The following RNF152 variants were observed in gnomAD, a reference collection of about 807,000 sequenced individuals.
RNF152 encodes E3 ubiquitin-protein ligase RNF152.
Under a neutral mutation model 12.7 loss-of-function variants are expected in RNF152, and 11 were observed. The ratio of observed to expected loss-of-function variants is 0.86; its 90% CI spans 0.54 to 1.43. The LOEUF (loss-of-function observed/expected upper bound fraction) is 1.43. RNF152 is among the 40% of genes most tolerant of loss of function. The probability of loss-of-function intolerance (pLI) is 0.00; values close to 1 mark genes in which losing one functional copy is unlikely to be tolerated. For missense variants in RNF152, 255 were observed against 274.8 expected (o/e 0.93, Z 0.51); for synonymous variants, 113 against 120.3 (o/e 0.94, Z 0.40).
At chr18:61,820,440 C>T (rs1259619908) in intron 1 of RNF152, among the ~76,000 whole-genome samples, 5 of 145,888 alleles carry the variant, frequency 3.4e-5, no homozygotes, top group Non-Finnish European at 7.5e-5. Flanking sequence ...ATACAGGGTT[C>T]GTTGGTGAAT....
chr18:61,875,138 T>C (rs889059380), intron 1 of RNF152: 2 of 152,002 alleles, frequency 1.3e-5, no homozygotes, highest in African/African-American at 4.8e-5. Context: ...AATAGAAGGA[T>C]AGAGGAAGAA....
chr18:61,840,178 A>C (rs1163718119), intron 1 of RNF152, among the ~76,000 whole-genome samples: 1 of 152,220 alleles, frequency 6.6e-6, no homozygotes, highest in Non-Finnish European at 1.5e-5. Context: ...GTGTGTGACC[A>C]GGAAATGGGC....
rs2144596199 is a variant in RNF152 at position 61,810,457 on chromosome 18, C to T, written c.*5395G>A. On this transcript the variant is annotated 3_prime_UTR_variant, in exon 2 of 2. Transcript: ENST00000312828. Reference sequence around the variant, plus strand: ...AGTCAGAAGTTGGAGACCAGCCTGACCAACATGGAGAAACCCCGTCTCTAC... The same window carrying T: ...AGTCAGAAGTTGGAGACCAGCCTGATCAACATGGAGAAACCCCGTCTCTAC... The T allele has an allele frequency of 6.6e-6, 1 of 152,306 alleles. No homozygotes were observed. Among genetic ancestry groups the T allele is most frequent in the East Asian group, 1.9e-4 (1 of 5,170 alleles). 9.4% of individuals were successfully genotyped at this position (152,306 alleles called of 1,614,324 possible). A position where few individuals can be genotyped will look rare whatever the true frequency, so the allele number is the denominator to read the frequency against.
chr18:61,885,978 T>A (rs1912674845), intron 1 of RNF152, among the ~76,000 whole-genome samples: 1 of 121,028 alleles, frequency 8.3e-6, no homozygotes. Flanking sequence ...TTGCTTTCTT[T>A]TGCTTTCTTT....
At position 61,809,840 on chromosome 18, in the gene RNF152, C is replaced by A; in HGVS notation, c.*6012G>T. 1 of 143,930 alleles carries A rather than the reference C, an allele frequency of 6.9e-6. No individual in the cohort carries two copies. The highest frequency in any genetic ancestry group is 2.6e-5 in the African/African-American group (1 of 38,222). The allele number at this position is 143,930 out of a possible 1,614,324, so 8.9% of individuals were successfully genotyped here. On this transcript the variant is annotated 3_prime_UTR_variant, in exon 2 of 2. Transcript: ENST00000312828. ...GGTGAGATATATATAGTGGGATACC[C>A]CAGGCAGTGAATCCTGAAAAAAAAA...
intron 1 of RNF152, among the ~76,000 whole-genome samples, chr18:61,824,899 C>A (rs1434553304): frequency 6.6e-6 from 1 of 152,146 alleles, no homozygotes; most frequent in South Asian, 2.1e-4. Flanking sequence ...GTCAGGAGAT[C>A]CCCAGGCTCC....
Position 61,862,028 on chromosome 18 carries a change from A to C in RNF152, c.-136+30767T>G, listed in dbSNP as rs531980436. ...TTGGTTAAATTGGAAAAATGAATAC[A>C]ACTCCCTGAGGCCCTCAGAAGAACC... On this transcript the variant is annotated intron_variant, in intron 1 of 1. Coordinates refer to ENST00000312828, the MANE Select transcript of RNF152 (RefSeq NM_173557.3). Among the ~76,000 whole-genome samples the C allele has an allele frequency of 5.9e-5, 9 of 152,240 alleles. No individual in the cohort carries two copies. In the East Asian group the frequency reaches 1.7e-3, roughly 29 times the overall value.
chr18:61,889,267 T>C (rs923279390), intron 1 of RNF152, among the ~76,000 whole-genome samples: 2 of 152,194 alleles, frequency 1.3e-5, no homozygotes, highest in Non-Finnish European at 2.9e-5. Flanking sequence ...ACTTCCTTAT[T>C]TGGAGAGCTA....
upstream of RNF152, chr18:61,893,685 G>A (rs1913070494): frequency 6.6e-6 from 1 of 152,564 alleles, no homozygotes; most frequent in African/African-American, 2.4e-5. Flanking sequence ...CGCGAGACAA[G>A]GGGACCGGGA....
Position 61,866,422 on chromosome 18 carries a change from A to C in RNF152, c.-136+26373T>G, listed in dbSNP as rs149060828. ...ACACTACCCCAAGCTACAGAGTGAGAATCTGCGAGGACAAGATTCACATCC... is the reference window on the plus strand; with the variant it reads ...ACACTACCCCAAGCTACAGAGTGAGCATCTGCGAGGACAAGATTCACATCC... On this transcript the variant is annotated intron_variant, in intron 1 of 1. Coordinates refer to ENST00000312828, the MANE Select transcript of RNF152 (RefSeq NM_173557.3). Among the ~76,000 whole-genome samples the C allele has an allele frequency of 6.8e-3, 1,013 of 148,066 alleles. 5 individuals carry two copies. The highest frequency in any genetic ancestry group is 0.059 in the Middle Eastern group (17 of 290).
At chr18:61,863,577 T>C (rs1485338809) in intron 1 of RNF152, among the ~76,000 whole-genome samples, 1 of 152,208 alleles carries the variant, frequency 6.6e-6, no homozygotes, top group Non-Finnish European at 1.5e-5. Flanking sequence ...AAGCACATTT[T>C]CCAGGCTGGA....
intron 1 of RNF152, among the ~76,000 whole-genome samples, chr18:61,853,355 T>C (rs1455008910): frequency 6.8e-6 from 1 of 146,792 alleles, no homozygotes; most frequent in Non-Finnish European, 1.5e-5. Flanking sequence ...TGGCACACGA[T>C]CACAGCTCAC....
In RNF152 at chr18:61,855,957, C is replaced by T. The variant is rs143864574; in HGVS notation, c.-136+36838G>A. 3.7e-3 allele frequency among the ~76,000 whole-genome samples: 568 copies of T among 152,310 alleles called. 3 individuals are homozygous for T. Among genetic ancestry groups the T allele is most frequent in the African/African-American group, 0.012 (492 of 41,558 alleles). On this transcript the variant is annotated intron_variant, in intron 1 of 1. Coordinates refer to ENST00000312828, the MANE Select transcript of RNF152 (RefSeq NM_173557.3). ...TATTCACTACTCCACATACTTTAAT[C>T]TGACCACGCCATGTTTCCCTACAAC...
intron 1 of RNF152, among the ~76,000 whole-genome samples, chr18:61,829,813 G>A (rs574600661): frequency 6.6e-6 from 1 of 152,218 alleles, no homozygotes; most frequent in South Asian, 2.1e-4. Flanking sequence ...GAATGGAAGA[G>A]AAAGACCAGT....
intron 1 of RNF152, among the ~76,000 whole-genome samples, chr18:61,843,179 G>A (rs28395312): frequency 4.2e-4 from 64 of 152,328 alleles, no homozygotes; most frequent in African/African-American, 1.5e-3. Flanking sequence ...AACTGTTGCT[G>A]AATGACTGAG....
At chr18:61,868,682 AC>A (rs1288208970) in intron 1 of RNF152, among the ~76,000 whole-genome samples, 2 of 152,154 alleles carry the variant, frequency 1.3e-5, no homozygotes, top group Admixed American at 1.3e-4. Context: ...TGCCTGGGCA[AC>A]AAAAGCAAGA....
chr18:61,814,010 A>G lies in RNF152; in HGVS notation c.*1842T>C, dbSNP rs1258246724. On this transcript the variant is annotated 3_prime_UTR_variant, in exon 2 of 2. Coordinates refer to ENST00000312828, the MANE Select transcript of RNF152 (RefSeq NM_173557.3). ...CCAAGAGCTTACACAATAAAATGGC[A>G]TTTTAACCTAATTTCTATTTTGAGC... The G allele has an allele frequency of 1.3e-5, 2 of 152,244 alleles. No individual in the cohort carries two copies. The highest frequency in any genetic ancestry group is 4.8e-5 in the African/African-American group (2 of 41,468). 9.4% of individuals were successfully genotyped at this position (152,244 alleles called of 1,614,324 possible). A position where few individuals can be genotyped will look rare whatever the true frequency, so the allele number is the denominator to read the frequency against.
At position 61,816,560 on chromosome 18, in the gene RNF152, A is replaced by T; in HGVS notation, c.-97T>A. On this transcript the variant is annotated 5_prime_UTR_variant, in exon 2 of 2. It introduces an in-frame stop codon into an upstream open reading frame of the 5' UTR. Coordinates refer to ENST00000312828, the MANE Select transcript of RNF152 (RefSeq NM_173557.3). ...GTGTCTTTGCAGTGCAGGTAATGGC[A>T]AGCTCACAGGCATCCAGTACTCACA... 1 of 1,335,744 alleles carries T rather than the reference A, an allele frequency of 7.5e-7. No individual in the cohort carries two copies. Among genetic ancestry groups the T allele is most frequent in the South Asian group, 1.4e-5 (1 of 71,424 alleles). The allele number at this position is 1,335,744 out of a possible 1,614,324, so 82.7% of individuals were successfully genotyped here.
At chr18:61,837,268 A>G (rs1313314407) in intron 1 of RNF152, among the ~76,000 whole-genome samples, 2 of 152,248 alleles carry the variant, frequency 1.3e-5, no homozygotes, top group Non-Finnish European at 2.9e-5. Context: ...GGAGATGAGG[A>G]AACCAAATTT....
Sources: gnomAD v4.1 joint callset for allele counts (sites outside exome capture counted in the v4.1 genomes callset) on GRCh38, gnomAD v4.1.1 for gene constraint, MANE v1.5 for transcripts, NCBI Gene and HGNC (gene_info 2026-07-23, HGNC 2026-07-21) for gene names.